The following NCAM2 variants were observed in gnomAD, a reference collection of about 807,000 sequenced individuals.
NCAM2 encodes neural cell adhesion molecule 2, also known as N-CAM-2.
A neutral mutation model predicts 98.1 loss-of-function variants in NCAM2; 30 were observed. That is an observed-to-expected ratio of 0.31 (90% CI 0.23 to 0.41). NCAM2 has a LOEUF of 0.41. NCAM2 is among the 10% of genes least tolerant of loss of function. The probability of loss-of-function intolerance (pLI) is 1.00; values close to 1 mark genes in which losing one functional copy is unlikely to be tolerated. For missense variants in NCAM2, 867 were observed against 1,005.8 expected, an observed-to-expected ratio of 0.86 and a Z score of 1.87; for synonymous variants, 368 against 342.4, an observed-to-expected ratio of 1.07 and a Z score of -0.83.
chr21:21,334,090 G>A (rs982549063), intron 6 of NCAM2, among the ~76,000 whole-genome samples: 1 of 151,760 alleles, frequency 6.6e-6, no homozygotes, highest in African/African-American at 2.4e-5. Context: ...CTGCTACCAC[G>A]CCAGGCTAGT....
intron 16 of NCAM2, among the ~76,000 whole-genome samples, chr21:21,517,019 A>T (rs1179131390): frequency 6.6e-6 from 1 of 152,128 alleles, no homozygotes; most frequent in African/African-American, 2.4e-5. Context: ...GGGCATCAGG[A>T]TGCCTGTGTG....
intron 1 of NCAM2, among the ~76,000 whole-genome samples, chr21:21,038,699 A>G (rs146130259): frequency 1.3e-5 from 2 of 152,306 alleles, no homozygotes; most frequent in African/African-American, 4.8e-5. Flanking sequence ...ACTTTCCTTT[A>G]TAAATTACCA....
intron 8 of NCAM2, among the ~76,000 whole-genome samples, chr21:21,343,394 C>CACACACACAT (rs1021014994): frequency 6.6e-6 from 1 of 151,218 alleles, no homozygotes; most frequent in African/African-American, 2.4e-5. Flanking sequence ...CACACACACA[C>CACACACACAT]AATCTTCATG....
intron 1 of NCAM2, among the ~76,000 whole-genome samples, chr21:21,250,422 C>G (rs1251177750): frequency 6.6e-6 from 1 of 152,114 alleles, no homozygotes; most frequent in Non-Finnish European, 1.5e-5. Context: ...ACAAAGTTTG[C>G]ATTTGATGGA....
At chr21:21,381,452 G>A (rs1188522873) in intron 9 of NCAM2, among the ~76,000 whole-genome samples, 1 of 151,686 alleles carries the variant, frequency 6.6e-6, no homozygotes, top group East Asian at 1.9e-4. Flanking sequence ...GTTATTCGAA[G>A]TTTTAGTATT....
At chr21:21,304,056 G>A (rs546102871) in intron 5 of NCAM2, among the ~76,000 whole-genome samples, 1 of 152,202 alleles carries the variant, frequency 6.6e-6, no homozygotes, top group South Asian at 2.1e-4. Flanking sequence ...TATCCAATCT[G>A]TGGCTTGTTT....
chr21:21,052,675 C>G (rs1425870312), intron 1 of NCAM2, among the ~76,000 whole-genome samples: 1 of 152,096 alleles, frequency 6.6e-6, no homozygotes, highest in African/African-American at 2.4e-5. Context: ...GCAAATAGAC[C>G]TCTGGTGGCC....
At chr21:21,034,274 A>T (rs1460574585) in intron 1 of NCAM2, among the ~76,000 whole-genome samples, 1 of 152,096 alleles carries the variant, frequency 6.6e-6, no homozygotes, top group Non-Finnish European at 1.5e-5. Flanking sequence ...TTCACAAGAG[A>T]TTTCACAAGA....
At chr21:21,079,119 G>A (rs1010955174) in intron 1 of NCAM2, among the ~76,000 whole-genome samples, 3 of 152,150 alleles carry the variant, frequency 2.0e-5, no homozygotes, top group African/African-American at 7.2e-5. Context: ...GTTGACAGGT[G>A]CAGCAAAACA....
chr21:21,403,561 G>T (rs762771808), intron 9 of NCAM2, among the ~76,000 whole-genome samples: 2 of 152,228 alleles, frequency 1.3e-5, no homozygotes, highest in East Asian at 1.9e-4. Context: ...GTTGTGTCCA[G>T]CATCTGCTAA....
At chr21:21,248,427 A>G (rs2147273169) in intron 1 of NCAM2, among the ~76,000 whole-genome samples, 1 of 152,182 alleles carries the variant, frequency 6.6e-6, no homozygotes, top group Non-Finnish European at 1.5e-5. Context: ...GTTCTTTTAA[A>G]AAAAATTCCT....
chr21:21,338,429 T>C lies in NCAM2; in HGVS notation c.939T>C (p.Tyr313=). ...HIIQLKNETT[Y]ENGQVTLVCD... ...TACAGCTTAAAAATGAAACTACATATGAGAATGGTCAAGTCACACTCGTAT... is the reference window on the plus strand; with the variant it reads ...TACAGCTTAAAAATGAAACTACATACGAGAATGGTCAAGTCACACTCGTAT... The change falls in exon 8 of 18, where the codon TAT becomes TAC. Residue 313 remains tyrosine (Y), a synonymous_variant. Coordinates refer to ENST00000400546, the MANE Select transcript of NCAM2 (RefSeq NM_004540.5). 2 of 1,612,396 alleles carry C rather than the reference T, an allele frequency of 1.2e-6. No homozygotes were observed. The highest frequency in any genetic ancestry group is 1.1e-5 in the South Asian group (1 of 91,016).
intron 14 of NCAM2, among the ~76,000 whole-genome samples, chr21:21,474,726 TC>T (rs1268255143): frequency 6.6e-6 from 1 of 152,068 alleles, no homozygotes; most frequent in Non-Finnish European, 1.5e-5. Flanking sequence ...GGATCCCTTG[TC>T]TTCATACCAC....
intron 1 of NCAM2, among the ~76,000 whole-genome samples, chr21:21,085,130 T>C (rs967921598): frequency 6.6e-6 from 1 of 152,100 alleles, no homozygotes; most frequent in Admixed American, 6.6e-5. Flanking sequence ...TTAAAGCCTG[T>C]ACAAAAATCT....
intron 9 of NCAM2, among the ~76,000 whole-genome samples, chr21:21,390,006 T>A (rs1259345369): frequency 6.6e-6 from 1 of 152,128 alleles, no homozygotes; most frequent in East Asian, 1.9e-4. Flanking sequence ...CGTGCCACCA[T>A]GCCCAGCTAA....
At chr21:21,343,239 C>T (rs2075093674) in intron 8 of NCAM2, among the ~76,000 whole-genome samples, 1 of 151,704 alleles carries the variant, frequency 6.6e-6, no homozygotes, top group African/African-American at 2.4e-5. Flanking sequence ...TGTTTGAAAA[C>T]CCATGCCATA....
intron 1 of NCAM2, among the ~76,000 whole-genome samples, chr21:21,070,770 C>T (rs1457131004): frequency 1.3e-5 from 2 of 152,130 alleles, no homozygotes; most frequent in East Asian, 3.9e-4. Flanking sequence ...TTCAAATAGC[C>T]TTTCCCACCT....
chr21:21,409,161 A>C (rs1381419771), intron 9 of NCAM2, among the ~76,000 whole-genome samples: 1 of 152,160 alleles, frequency 6.6e-6, no homozygotes, highest in East Asian at 1.9e-4. Flanking sequence ...ATCTTCTCAA[A>C]TAATTATGCA....
At chr21:21,293,856 T>C (rs773402501) in intron 5 of NCAM2, among the ~76,000 whole-genome samples, 3 of 151,594 alleles carry the variant, frequency 2.0e-5, no homozygotes, top group Non-Finnish European at 4.4e-5. Flanking sequence ...TACGTACTTA[T>C]GAAAAAGGGA....
Sources: allele counts gnomAD v4.1 joint callset (sites outside exome capture counted in the v4.1 genomes callset), GRCh38; gene constraint gnomAD v4.1.1; transcripts MANE v1.5; gene names NCBI Gene and HGNC (gene_info 2026-07-23, HGNC 2026-07-21).